The following FCRL5 variants were observed in gnomAD, a reference collection of about 807,000 sequenced individuals.
FCRL5 encodes Fc receptor-like protein 5.
In FCRL5, 79 loss-of-function variants were observed where a neutral mutation model predicts 92.1. The observed-to-expected ratio is 0.86, with a 90% CI of 0.72 to 1.03. The LOEUF is 1.03. Ranked by LOEUF, FCRL5 falls within the 50% of genes least tolerant of loss-of-function variation. The pLI, the probability that FCRL5 is intolerant of heterozygous loss-of-function variation, is 0.00. For missense variants in FCRL5, 1,160 were observed against 1,181.1 expected (o/e 0.98, Z 0.26); for synonymous variants, 466 against 469.3 (o/e 0.99, Z 0.09).
chr1:157,529,595 A>ATG (rs35434812), intron 8 of FCRL5, among the ~76,000 whole-genome samples: 2,148 of 139,842 alleles, frequency 0.015, 56 homozygotes, highest in African/African-American at 0.064. Flanking sequence ...ATACATACGC[A>ATG]TGTGTGTGTG....
chr1:157,522,737 T>A (rs1650255384), intron 10 of FCRL5: 1 of 152,190 alleles, frequency 6.6e-6, no homozygotes, highest in Admixed American at 6.5e-5. Context: ...CCTTTAGCTG[T>A]GATAACAGCA....
At chr1:157,518,932 T>G in intron 13 of FCRL5, 150 bp from the exon 14 acceptor site, 1 of 569,754 alleles carries the variant, frequency 1.8e-6, no homozygotes, top group Non-Finnish European at 3.1e-6. Context: ...GGCATTCTAT[T>G]ATGAATCATA....
intron 15 of FCRL5, among the ~76,000 whole-genome samples, chr1:157,516,333 A>G (rs1033582525): frequency 2.0e-5 from 3 of 152,178 alleles, no homozygotes; most frequent in Non-Finnish European, 2.9e-5. Flanking sequence ...CATCTATATG[A>G]TGGGAATAAA....
chr1:157,529,567 GT>G (rs1341002487), intron 8 of FCRL5, among the ~76,000 whole-genome samples: 1 of 148,594 alleles, frequency 6.7e-6, no homozygotes, highest in Non-Finnish European at 1.5e-5. Flanking sequence ...CAATTAAGGG[GT>G]GGATAAAGAA....
intron 5 of FCRL5, among the ~76,000 whole-genome samples, 170 bp downstream of exon 5, chr1:157,544,092 C>T (rs1401075986): frequency 2.6e-5 from 4 of 152,182 alleles, no homozygotes; most frequent in African/African-American, 9.7e-5. Flanking sequence ...TTTCCTGGGT[C>T]TAAGCTCTTC....
chr1:157,547,445 A>G (rs1424382439), intron 2 of FCRL5: 4 of 691,622 alleles, frequency 5.8e-6, no homozygotes, highest in South Asian at 1.5e-5. Flanking sequence ...TCGCCATCAA[A>G]TATCACAGTT....
rs1315895032 is a variant in FCRL5 at position 157,539,237 on chromosome 1, C to T, written c.1251G>A (p.Glu417=). The T allele has an allele frequency of 6.2e-7, 1 of 1,614,220 alleles. No homozygotes were observed. Among genetic ancestry groups the T allele is most frequent in the Non-Finnish European group, 8.5e-7 (1 of 1,180,040 alleles). ...CCGACCTACGCTCCAGGGCAGCACC[C>T]TCATGATGAAACTGGTACAGGATGG... ...SLPILYQFHH[E]GAALERRSAN... The change falls in exon 7 of 17, where the codon GAG becomes GAA. Residue 417 remains glutamate (E), a synonymous_variant. Coordinates refer to ENST00000361835, the MANE Select transcript of FCRL5 (RefSeq NM_031281.3).
intron 1 of FCRL5, among the ~76,000 whole-genome samples, chr1:157,549,782 T>C (rs1422977408): frequency 2.0e-5 from 3 of 152,114 alleles, no homozygotes; most frequent in Non-Finnish European, 4.4e-5. Context: ...GTATTTGGAC[T>C]TCTACAATGA....
chr1:157,529,413 A>G (rs974527146), intron 8 of FCRL5, among the ~76,000 whole-genome samples: 2 of 152,250 alleles, frequency 1.3e-5, no homozygotes, highest in Non-Finnish European at 2.9e-5. Flanking sequence ...CTAAAAGTAG[A>G]ACTACCATTT....
intron 15 of FCRL5, among the ~76,000 whole-genome samples, chr1:157,516,650 A>G (rs893300864): frequency 6.6e-6 from 1 of 152,244 alleles, no homozygotes; most frequent in African/African-American, 2.4e-5. Flanking sequence ...GGAACTATTC[A>G]GCACATGATA....
At chr1:157,545,433 A>C (rs544759296) in intron 3 of FCRL5, among the ~76,000 whole-genome samples, 1 of 151,516 alleles carries the variant, frequency 6.6e-6, no homozygotes, top group South Asian at 2.1e-4. Context: ...TGCTATGAAC[A>C]CTTTCCTACA....
At chr1:157,547,524 C>T in intron 2 of FCRL5, 2 of 428,506 alleles carry the variant, frequency 4.7e-6, no homozygotes, top group East Asian at 5.0e-5. Context: ...CATGTTCATA[C>T]ACTCATAAGA....
intron 15 of FCRL5, 95 bp from the exon 16 acceptor site, chr1:157,515,968 C>T (rs1374617949): frequency 1.5e-6 from 2 of 1,366,488 alleles, no homozygotes; most frequent in Non-Finnish European, 2.1e-6. Flanking sequence ...CTCCTGGAGG[C>T]CCGCTCTCCC....
rs139566075 is a variant in FCRL5 at position 157,534,614 on chromosome 1, C to T, written c.1681G>A (p.Val561Ile). Reference protein sequence around the residue: ...RSEVVSLFVTVPVSRPILTLR... With the variant: ...RSEVVSLFVTIPVSRPILTLR... ...TGACTGGCAAGAACCCAGCACTTAC[C>T]AGTGACAAAAAGGCTCACCACTTCA... The change falls in exon 8 of 17, where the codon GTT becomes ATT. Residue 561 changes from valine (V) to isoleucine (I), a missense_variant and splice_region_variant. Transcript: ENST00000361835. 6.4e-5 allele frequency: 103 copies of T among 1,613,994 alleles called. No homozygotes were observed. Among genetic ancestry groups the T allele is most frequent in the Middle Eastern group, 3.3e-4 (2 of 6,084 alleles).
chr1:157,548,068 C>T (rs1206051587), intron 2 of FCRL5, among the ~76,000 whole-genome samples: 1 of 152,222 alleles, frequency 6.6e-6, no homozygotes, highest in Non-Finnish European at 1.5e-5. Context: ...TGAGAGGATC[C>T]TATCCTGAGT....
intron 3 of FCRL5, chr1:157,546,401 T>A (rs1317076580): frequency 1.2e-5 from 4 of 344,726 alleles, no homozygotes; most frequent in South Asian, 4.4e-5. Context: ...TGAGCCGAGA[T>A]AACGCCACTG....
In FCRL5 at chr1:157,543,097, C is replaced by A; in HGVS notation, c.885G>T (p.Lys295Asn). 2.5e-6 allele frequency: 4 copies of A among 1,614,176 alleles called. No homozygotes were observed. The highest frequency in any genetic ancestry group is 3.4e-6 in the Non-Finnish European group (4 of 1,180,024). The part of the protein sequence containing the change: ...SHPVLTLSPE[K>N]ALNFEGTKVT... ...CCTTGGTTCCCTCAAAATTCAGAGC[C>A]TTTTCAGGGCTGAGAGTGAGGACAG... The change falls in exon 6 of 17, where the codon AAG (lysine) becomes AAT (asparagine). Residue 295 changes from lysine to asparagine, a missense_variant. Physicochemically the swap from Lys to Asn is moderately conservative, Grantham distance 94 (BLOSUM62 0). Coordinates refer to ENST00000361835, the MANE Select transcript of FCRL5 (RefSeq NM_031281.3).
At chr1:157,516,057 C>A (rs1649917925) in intron 15 of FCRL5, 184 bp from the exon 16 acceptor site, 3 of 682,968 alleles carry the variant, frequency 4.4e-6, no homozygotes, top group Non-Finnish European at 7.9e-6. Flanking sequence ...AGCCTCTCAG[C>A]ACTGACAGAC....
intron 2 of FCRL5, among the ~76,000 whole-genome samples, chr1:157,548,171 A>G (rs1651644825): frequency 6.6e-6 from 1 of 152,246 alleles, no homozygotes; most frequent in South Asian, 2.1e-4. Flanking sequence ...AAAGGCTGGG[A>G]GCTGCTTGGG....
Sources: gnomAD v4.1 joint callset for allele counts (sites outside exome capture counted in the v4.1 genomes callset) on GRCh38, gnomAD v4.1.1 for gene constraint, MANE v1.5 for transcripts, NCBI Gene and HGNC (gene_info 2026-07-23, HGNC 2026-07-21) for gene names.